Variants in CRTAC1 observed in about 807,000 individuals in gnomAD.
The protein encoded by CRTAC1 is acidic secreted protein in cartilage.
In CRTAC1, 37 loss-of-function variants were observed where a neutral mutation model predicts 67.8. The ratio of observed to expected loss-of-function variants is 0.55; its 90% CI spans 0.42 to 0.72. The LOEUF (loss-of-function observed/expected upper bound fraction) is 0.72. Among genes scored for constraint, CRTAC1 ranks in the 30% least tolerant of loss-of-function variants. The pLI is 0.00. For missense variants in CRTAC1, 780 were observed against 931.6 expected, an observed-to-expected ratio of 0.84 and a Z score of 2.12; for synonymous variants, 348 against 371.0, an observed-to-expected ratio of 0.94 and a Z score of 0.71.
Position 97,917,630 on chromosome 10 carries a change from A to G in CRTAC1, c.585T>C (p.Ile195=), listed in dbSNP as rs1326534535. Residue 195 remains isoleucine (I), a synonymous_variant, in exon 5 of 15, where the codon ATT becomes ATC. Coordinates refer to ENST00000370597, the MANE Select transcript of CRTAC1 (RefSeq NM_018058.7). ...CCACATTACCGTAGGCGTAATTGGCAATGTAGATAGAGTAGCGTCCAGAGC... is the reference window on the plus strand; with the variant it reads ...CCACATTACCGTAGGCGTAATTGGCGATGTAGATAGAGTAGCGTCCAGAGC... ...RKGSGRYSIY[I]ANYAYGNVGP... 1 of 1,596,218 alleles carries G rather than the reference A, an allele frequency of 6.3e-7. No homozygotes were observed. The highest frequency in any genetic ancestry group is 1.1e-5 in the South Asian group (1 of 87,436).
intron 3 of CRTAC1, among the ~76,000 whole-genome samples, chr10:97,932,451 T>G (rs2051017049): frequency 6.6e-6 from 1 of 152,130 alleles, no homozygotes; most frequent in African/African-American, 2.4e-5. Context: ...GTAGGAGAGA[T>G]GGACAACAAA....
At chr10:97,933,343 GCA>G (rs2051031598) in intron 3 of CRTAC1, among the ~76,000 whole-genome samples, 1 of 152,278 alleles carries the variant, frequency 6.6e-6, no homozygotes, top group Non-Finnish European at 1.5e-5. Context: ...CTCTCCCAGT[GCA>G]CACTTATGCC....
chr10:97,905,778 A>G (rs1388962814), intron 6 of CRTAC1, among the ~76,000 whole-genome samples: 1 of 152,226 alleles, frequency 6.6e-6, no homozygotes, highest in African/African-American at 2.4e-5. Context: ...TACAGCCACG[A>G]CAGAGAAGCC....
chr10:97,884,647 G>A, intron 11 of CRTAC1: 1 of 335,750 alleles, frequency 3.0e-6, no homozygotes, highest in South Asian at 9.3e-5. Flanking sequence ...TGATTGAAGA[G>A]GTGAATTTTC....
rs1590164720 is a variant in CRTAC1 at position 97,865,424 on chromosome 10, A to G, written c.*124T>C. 26 of 1,184,532 alleles carry G rather than the reference A, an allele frequency of 2.2e-5. No individual in the cohort carries two copies. Among genetic ancestry groups the G allele is most frequent in the Non-Finnish European group, 2.9e-5 (25 of 857,380 alleles). The allele number at this position is 1,184,532 out of a possible 1,614,324, so 73.4% of individuals were successfully genotyped here. A position where few individuals can be genotyped will look rare whatever the true frequency, so the allele number is the denominator to read the frequency against. ...CCTAATTGTTAGCTAAGTAATGTGC[A>G]TGGATGGGCTTGGGGAGGGTCTAGC... On this transcript the variant is annotated 3_prime_UTR_variant, in exon 15 of 15. Transcript: ENST00000370597.
At chr10:97,985,537 T>C (rs901164396) in intron 2 of CRTAC1, among the ~76,000 whole-genome samples, 4 of 152,136 alleles carry the variant, frequency 2.6e-5, no homozygotes, top group Non-Finnish European at 4.4e-5. Flanking sequence ...GCTTGCGGTA[T>C]GCCTGCTACA....
intron 2 of CRTAC1, among the ~76,000 whole-genome samples, chr10:98,000,106 AC>A (rs1308967082): frequency 1.3e-5 from 2 of 152,170 alleles, no homozygotes; most frequent in Non-Finnish European, 2.9e-5. Flanking sequence ...AGTCTGGCTC[AC>A]CATTCACTTG....
chr10:97,930,403 C>A (rs1231313757), intron 3 of CRTAC1, among the ~76,000 whole-genome samples: 1 of 152,028 alleles, frequency 6.6e-6, no homozygotes, highest in East Asian at 1.9e-4. Context: ...ATCAGGAGAC[C>A]CCAGAATCCA....
intron 14 of CRTAC1, among the ~76,000 whole-genome samples, chr10:97,876,385 A>G (rs2050147972): frequency 6.6e-6 from 1 of 152,218 alleles, no homozygotes; most frequent in South Asian, 2.1e-4. Context: ...AAGCCCACTA[A>G]ATGTAAGCTA....
chr10:98,013,669 T>C (rs1233604081), intron 1 of CRTAC1, among the ~76,000 whole-genome samples: 1 of 152,234 alleles, frequency 6.6e-6, no homozygotes, highest in Non-Finnish European at 1.5e-5. Context: ...AATTCTATGA[T>C]GAATTAAAAG....
intron 2 of CRTAC1, among the ~76,000 whole-genome samples, chr10:97,971,007 A>T (rs2051702791): frequency 6.6e-6 from 1 of 152,256 alleles, no homozygotes; most frequent in Admixed American, 6.5e-5. Flanking sequence ...TTCATTAGGA[A>T]TGATCAAAGA....
At chr10:97,892,375 G>A (rs2050388009) in intron 11 of CRTAC1, among the ~76,000 whole-genome samples, 1 of 152,174 alleles carries the variant, frequency 6.6e-6, no homozygotes, top group Non-Finnish European at 1.5e-5. Flanking sequence ...ACGGAGTGGG[G>A]GAGTTGATAT....
chr10:97,947,125 C>A (rs1045314749), intron 2 of CRTAC1, among the ~76,000 whole-genome samples: 2 of 152,176 alleles, frequency 1.3e-5, no homozygotes, highest in Admixed American at 6.5e-5. Context: ...ATAGTTGGGG[C>A]AAGGAGCCAA....
intron 2 of CRTAC1, among the ~76,000 whole-genome samples, chr10:97,959,266 A>G (rs1015031821): frequency 6.6e-6 from 1 of 152,204 alleles, no homozygotes; most frequent in African/African-American, 2.4e-5. Context: ...AAAAATAGCA[A>G]GAAAAATAAG....
At chr10:97,988,919 G>C (rs768864411) in intron 2 of CRTAC1, among the ~76,000 whole-genome samples, 4 of 152,214 alleles carry the variant, frequency 2.6e-5, no homozygotes, top group Non-Finnish European at 4.4e-5. Flanking sequence ...ATTTCCAGAG[G>C]AGATCAGCAT....
At chr10:97,984,260 T>G (rs140415842) in intron 2 of CRTAC1, among the ~76,000 whole-genome samples, 60 of 152,344 alleles carry the variant, frequency 3.9e-4, no homozygotes, top group African/African-American at 1.4e-3. Context: ...GACTTCTAGA[T>G]AATGAGATGG....
chr10:97,991,135 TCA>T, intron 2 of CRTAC1, among the ~76,000 whole-genome samples: 1 of 125,870 alleles, frequency 7.9e-6, no homozygotes, highest in South Asian at 2.9e-4. Context: ...AAAGATTATC[TCA>T]GTGTTGTGGC....
chr10:98,025,302 C>T (rs1355226107), intron 1 of CRTAC1, among the ~76,000 whole-genome samples: 2 of 152,172 alleles, frequency 1.3e-5, no homozygotes, highest in Non-Finnish European at 2.9e-5. Flanking sequence ...GGATGTTCAG[C>T]AGCATCCCTG....
intron 3 of CRTAC1, among the ~76,000 whole-genome samples, chr10:97,926,374 G>C (rs1277376374): frequency 6.6e-6 from 1 of 152,204 alleles, no homozygotes; most frequent in Non-Finnish European, 1.5e-5. Context: ...CTCCCTCTCA[G>C]CGTCGTTGTG....
Sources: allele counts gnomAD v4.1 joint callset (sites outside exome capture counted in the v4.1 genomes callset), GRCh38; gene constraint gnomAD v4.1.1; transcripts MANE v1.5; gene names NCBI Gene and HGNC (gene_info 2026-07-23, HGNC 2026-07-21).